AGAP1: variants seen among roughly 807,000 people sequenced by gnomAD.
AGAP1 encodes the protein ArfGAP with GTPase domain, ankyrin repeat and PH domain 1.
Under a neutral mutation model 105.3 loss-of-function variants are expected in AGAP1, and 29 were observed. That is an observed-to-expected ratio of 0.28 (90% CI 0.21 to 0.38). The LOEUF (loss-of-function observed/expected upper bound fraction) is 0.38. Among genes scored for constraint, AGAP1 ranks in the 10% least tolerant of loss-of-function variants. The pLI is 1.00. For synonymous variants in AGAP1, 509 were observed against 485.9 expected (o/e 1.05, Z -0.63); for missense variants, 998 against 1,165.1 (o/e 0.86, Z 2.09).
At chr2:235,682,073 G>A (rs1345928262) in intron 1 of AGAP1, among the ~76,000 whole-genome samples, 1 of 151,818 alleles carries the variant, frequency 6.6e-6, no homozygotes, top group Admixed American at 6.6e-5. Flanking sequence ...GGCTGGTCTC[G>A]AACTCCTGAC....
intron 1 of AGAP1, among the ~76,000 whole-genome samples, chr2:235,584,925 T>TTTTTTA (rs60407184): frequency 1.4e-5 from 2 of 145,886 alleles, no homozygotes; most frequent in African/African-American, 5.2e-5. Flanking sequence ...TTTTTTTTTT[T>TTTTTTA]AAAGAAAACC....
At chr2:235,746,208 C>G (rs941746120) in intron 5 of AGAP1, among the ~76,000 whole-genome samples, 2 of 151,510 alleles carry the variant, frequency 1.3e-5, no homozygotes, top group Admixed American at 6.6e-5. Context: ...TCTTTTGAAT[C>G]TGGGGAGATG....
At chr2:235,564,270 T>G (rs1303191905) in intron 1 of AGAP1, among the ~76,000 whole-genome samples, 1 of 152,194 alleles carries the variant, frequency 6.6e-6, no homozygotes, top group African/African-American at 2.4e-5. Context: ...AATGACAGCC[T>G]TGAGCCTTGC....
chr2:235,797,997 A>T, intron 7 of AGAP1, 111 bp downstream of exon 7: 2 of 1,335,466 alleles, frequency 1.5e-6, no homozygotes, highest in Non-Finnish European at 2.1e-6. Flanking sequence ...CTTTATAAGT[A>T]ACAGCATGTT....
intron 16 of AGAP1, among the ~76,000 whole-genome samples, chr2:236,077,973 T>C (rs534659546): frequency 1.4e-4 from 21 of 152,226 alleles, no homozygotes; most frequent in Admixed American, 2.6e-4. Context: ...TCTGCTTCAA[T>C]TGGGTCTTTG....
intron 1 of AGAP1, among the ~76,000 whole-genome samples, chr2:235,656,841 A>G (rs1379952418): frequency 6.6e-6 from 1 of 152,220 alleles, no homozygotes; most frequent in Non-Finnish European, 1.5e-5. Context: ...TATATATAAC[A>G]TAATGTTGCA....
rs1347696769 is a variant in AGAP1, at chr2:235,594,889, T to TG, written c.163+100040_163+100041insG. On this transcript the variant is annotated intron_variant, in intron 1 of 17. Coordinates refer to ENST00000304032, the MANE Select transcript of AGAP1 (RefSeq NM_001037131.3). ...GCGCCCGGCCCAGATTGCTGTTTTTTTTTTTTTTTTTTTTTTTATGATGTA... is the reference window on the plus strand; with the variant it reads ...GCGCCCGGCCCAGATTGCTGTTTTTTGTTTTTTTTTTTTTTTTTATGATGTA... 4.5e-3 allele frequency among the ~76,000 whole-genome samples: 680 copies of TG among 150,710 alleles called. 5 individuals carry two copies. The highest frequency in any genetic ancestry group is 0.015 in the African/African-American group (612 of 41,044).
chr2:235,648,933 G>C (rs929571891), intron 1 of AGAP1, among the ~76,000 whole-genome samples: 1 of 151,048 alleles, frequency 6.6e-6, no homozygotes, highest in Non-Finnish European at 1.5e-5. Context: ...GCAGGACTTC[G>C]GAAGCAGGGA....
intron 6 of AGAP1, among the ~76,000 whole-genome samples, chr2:235,790,565 C>T (rs1956914322): frequency 6.6e-6 from 1 of 152,162 alleles, no homozygotes; most frequent in African/African-American, 2.4e-5. Context: ...CTCTTCACTT[C>T]TCTATTCAAT....
chr2:235,684,557 A>C (rs1210708276), intron 1 of AGAP1, among the ~76,000 whole-genome samples: 1 of 152,184 alleles, frequency 6.6e-6, no homozygotes, highest in Non-Finnish European at 1.5e-5. Flanking sequence ...TTTTGCAGCA[A>C]CTTCTGCACT....
intron 1 of AGAP1, among the ~76,000 whole-genome samples, chr2:235,511,880 A>ATGTGTGTGTGAATG (rs80171449): frequency 1.3e-5 from 2 of 150,412 alleles, no homozygotes; most frequent in Non-Finnish European, 3.0e-5. Context: ...GTGTATGTGA[A>ATGTGTGTGTGAATG]TGTGTGTGAA....
chr2:235,844,442 T>TA (rs1448064401), intron 9 of AGAP1, among the ~76,000 whole-genome samples: 1 of 152,182 alleles, frequency 6.6e-6, no homozygotes, highest in Non-Finnish European at 1.5e-5. Context: ...GATTTGCATA[T>TA]AAAATTTTAT....
chr2:235,670,861 CG>C, intron 1 of AGAP1: 5 of 1,217,926 alleles, frequency 4.1e-6, no homozygotes, highest in South Asian at 1.7e-5. Context: ...GGGCGGCGGC[CG>C]GGGCCGGCGC....
rs187607734 is a variant in AGAP1 at position 235,834,249 on chromosome 2, A to G, written c.1050+26918A>G. Among the ~76,000 whole-genome samples, 43 of 152,318 alleles carry G rather than the reference A, an allele frequency of 2.8e-4. No individual in the cohort carries two copies. The East Asian group carries it at 6.9e-3, about 25-fold the overall frequency. ...ACAGGTACACAGAGGTGTGCTGGCC[A>G]TGGGGTTTGTGTCTCTGCATGTTCT... On this transcript the variant is annotated intron_variant, in intron 9 of 17. Coordinates refer to ENST00000304032, the MANE Select transcript of AGAP1 (RefSeq NM_001037131.3).
intron 1 of AGAP1, among the ~76,000 whole-genome samples, chr2:235,657,777 C>G (rs953799647): frequency 2.0e-5 from 3 of 152,142 alleles, no homozygotes; most frequent in African/African-American, 7.2e-5. Context: ...CCCCCAGTGC[C>G]TCATAATGCG....
Position 235,610,247 on chromosome 2 carries a change from G to A in AGAP1, c.164-98932G>A, listed in dbSNP as rs75862317. On this transcript the variant is annotated intron_variant, in intron 1 of 17. Coordinates refer to ENST00000304032, the MANE Select transcript of AGAP1 (RefSeq NM_001037131.3). The surrounding 1 kb of genome is among the most constrained non-coding windows in gnomAD (Gnocchi z 4.9). ...CACCGAACATGGCTCTAGCTTCTTC[G>A]TTGGCCAGACAGGATCTGCTGTATC... 0.01 allele frequency among the ~76,000 whole-genome samples: 1,586 copies of A among 152,238 alleles called. 27 individuals carry two copies. Among genetic ancestry groups the A allele is most frequent in the African/African-American group, 0.036 (1,504 of 41,550 alleles).
intron 1 of AGAP1, among the ~76,000 whole-genome samples, chr2:235,534,687 G>A (rs1412161332): frequency 6.6e-6 from 1 of 152,146 alleles, no homozygotes. Context: ...TAAAGCCTCA[G>A]GGATACACGG....
rs529896706 is a variant in AGAP1 at position 235,818,442 on chromosome 2, T to TTTTG, written c.1050+11127_1050+11130dup. On this transcript the variant is annotated intron_variant, in intron 9 of 17. Coordinates refer to ENST00000304032, the MANE Select transcript of AGAP1 (RefSeq NM_001037131.3). The stretch of plus-strand genomic sequence containing the variant: ...TCTGTGCTCACCATGACCGTCTTTT[T>TTTTG]TTTGTTTGTTTGTTTGTTTTGAGAC... 1.2e-3 allele frequency among the ~76,000 whole-genome samples: 187 copies of TTTTG among 152,216 alleles called. 1 individual carries two copies. Among genetic ancestry groups the TTTTG allele is most frequent in the African/African-American group, 4.2e-3 (173 of 41,520 alleles).
At chr2:236,115,666 A>T (rs2059753179) in intron 16 of AGAP1, among the ~76,000 whole-genome samples, 1 of 152,214 alleles carries the variant, frequency 6.6e-6, no homozygotes, top group African/African-American at 2.4e-5. Flanking sequence ...GTGAAATTTC[A>T]GCTGCTAACA....
Sources: gnomAD v4.1 joint callset for allele counts (sites outside exome capture counted in the v4.1 genomes callset) on GRCh38, gnomAD v4.1.1 for gene constraint, Gnocchi (gnomAD v3.1) non-coding constraint, MANE v1.5 for transcripts, NCBI Gene and HGNC (gene_info 2026-07-23, HGNC 2026-07-21) for gene names.